ITSN2: variants seen among roughly 807,000 people sequenced by gnomAD.
The protein encoded by ITSN2 is intersectin-2.
In ITSN2, 156 loss-of-function variants were observed where a neutral mutation model predicts 243.7. That is an observed-to-expected ratio of 0.64 (90% CI 0.56 to 0.73). ITSN2 has a LOEUF of 0.73. Ranked by LOEUF, ITSN2 falls within the 30% of genes least tolerant of loss-of-function variation. The pLI, the probability that ITSN2 is intolerant of heterozygous loss-of-function variation, is 0.00. For synonymous variants in ITSN2, 703 were observed against 699.9 expected, an observed-to-expected ratio of 1.00 and a Z score of -0.07; for missense variants, 1,801 against 1,996.1, an observed-to-expected ratio of 0.90 and a Z score of 1.86.
chr2:24,208,426 TC>T, intron 36 of ITSN2, 107 bp from the exon 37 acceptor site: 1 of 809,414 alleles, frequency 1.2e-6, no homozygotes, highest in Non-Finnish European at 2.1e-6. Context: ...ACCTCAACTT[TC>T]ACAAGTTTCC....
intron 25 of ITSN2, among the ~76,000 whole-genome samples, chr2:24,252,137 T>C (rs1193889506): frequency 1.3e-5 from 2 of 152,188 alleles, no homozygotes; most frequent in Non-Finnish European, 2.9e-5. Flanking sequence ...GCCCCCTTTA[T>C]CTAACTGGAG....
At chr2:24,264,912 T>C (rs1676469202) in intron 20 of ITSN2, among the ~76,000 whole-genome samples, 1 of 149,150 alleles carries the variant, frequency 6.7e-6, no homozygotes, top group African/African-American at 2.5e-5. Flanking sequence ...CGTCATTTGC[T>C]ACAAAAACAA....
chr2:24,310,341 C>A lies in ITSN2; in HGVS notation c.596G>T (p.Gly199Val). The change falls in exon 7 of 40, where the codon GGA becomes GTA. Residue 199 changes from glycine (G) to valine (V), a missense_variant. Around this residue, in one of 5 missense-constraint regions of ITSN2, gnomAD observed 787 missense variants for 803.9 expected, o/e 0.98. Transcript: ENST00000355123. ...TTTCTGTATACTAGCACCTCCAAAT[C>A]CTCCCATCATCAGACTATAAGATGA... ...HGSSYSLMMG[G>V]FGGASIQKAQ... The A allele has an allele frequency of 6.2e-7, 1 of 1,613,662 alleles. No individual in the cohort carries two copies. Among genetic ancestry groups the A allele is most frequent in the Non-Finnish European group, 8.5e-7 (1 of 1,179,918 alleles).
intron 1 of ITSN2, among the ~76,000 whole-genome samples, chr2:24,340,406 G>A (rs745471412): frequency 6.6e-6 from 1 of 151,828 alleles, no homozygotes; most frequent in African/African-American, 2.4e-5. Flanking sequence ...GCTTGAACCC[G>A]GGGGGTGGAG....
At position 24,237,701 on chromosome 2, in the gene ITSN2, C is replaced by T. The variant is rs1672323706; in HGVS notation, c.3577+8428G>A. Among the ~76,000 whole-genome samples the T allele has an allele frequency of 2.6e-5, 4 of 152,132 alleles. No homozygotes were observed. The South Asian group carries it at 8.3e-4, about 32-fold the overall frequency. On this transcript the variant is annotated intron_variant, in intron 29 of 39. Transcript: ENST00000355123. ...GACTTTTCCACCGACACTCATATTC[C>T]ATCTATCTCCAGTTCCTGCCAATTT...
intron 1 of ITSN2, among the ~76,000 whole-genome samples, chr2:24,335,389 G>A (rs13429341): frequency 0.9 from 137,517 of 152,202 alleles, 63,210 homozygotes; most frequent in East Asian, 0.99. Context: ...CTGGAATGCA[G>A]AGACATGATC....
At position 24,257,962 on chromosome 2, in the gene ITSN2, C is replaced by G. The variant is rs1338564163; in HGVS notation, c.2814G>C (p.Glu938Asp). The change falls in exon 23 of 40, where the codon GAG becomes GAC. Residue 938 changes from glutamate to aspartate, a missense_variant. Coordinates refer to ENST00000355123, the MANE Select transcript of ITSN2 (RefSeq NM_006277.3). ...GAAACCATCCTCTTCCTCCATGCAC[C>G]TCCCCAAACCACCAATTTTCTTGCT... Reference protein sequence around the residue: ...LEQQENWWFGEVHGGRGWFPK... With the variant: ...LEQQENWWFGDVHGGRGWFPK... 1 of 1,613,940 alleles carries G rather than the reference C, an allele frequency of 6.2e-7. No homozygotes were observed. The highest frequency in any genetic ancestry group is 8.5e-7 in the Non-Finnish European group (1 of 1,179,962).
Position 24,270,709 on chromosome 2 carries a change from G to T in ITSN2, c.2317C>A (p.His773Asn). The change falls in exon 20 of 40, where the codon CAT (histidine) becomes AAT (asparagine). Residue 773 changes from histidine to asparagine, a missense_variant. His to Asn is a moderately conservative substitution (Grantham distance 68). Coordinates refer to ENST00000355123, the MANE Select transcript of ITSN2 (RefSeq NM_006277.3). ...RALYPFEARN[H>N]DEMSFNSGDI... ...CCAGAATTAAAACTCATCTCATCAT[G>T]GTTCCTTGCTTCAAAGGGGTATAAT... The T allele has an allele frequency of 6.2e-7, 1 of 1,602,130 alleles. No individual in the cohort carries two copies. Among genetic ancestry groups the T allele is most frequent in the Non-Finnish European group, 8.5e-7 (1 of 1,170,940 alleles).
At chr2:24,208,094 G>A in intron 37 of ITSN2, 143 bp downstream of exon 37, 1 of 757,686 alleles carries the variant, frequency 1.3e-6, no homozygotes, top group Non-Finnish European at 2.2e-6. Context: ...GTAGCTTCAA[G>A]AGGGGAGGGC....
rs532521936 is a variant in ITSN2 at position 24,265,800 on chromosome 2, T to C, written c.2356-4058A>G. Among the ~76,000 whole-genome samples, 7 of 152,352 alleles carry C rather than the reference T, an allele frequency of 4.6e-5. No homozygotes were observed. In the East Asian group the frequency reaches 1.3e-3, roughly 29 times the overall value. Reference sequence around the variant, plus strand: ...TTATATGACATTCTTTAAAAACACCTGGCACATGCAAGCCTCAATGTTTTT... The same window carrying C: ...TTATATGACATTCTTTAAAAACACCCGGCACATGCAAGCCTCAATGTTTTT... On this transcript the variant is annotated intron_variant, in intron 20 of 39. Coordinates refer to ENST00000355123, the MANE Select transcript of ITSN2 (RefSeq NM_006277.3).
chr2:24,295,264 A>C (rs1680793858), intron 14 of ITSN2, among the ~76,000 whole-genome samples: 1 of 152,142 alleles, frequency 6.6e-6, no homozygotes. Flanking sequence ...TCAAAGACTC[A>C]AGGTTATTGA....
rs142289184 is a variant in ITSN2 at position 24,207,610 on chromosome 2, G to A, written c.4678+627C>T. On this transcript the variant is annotated intron_variant, in intron 37 of 39. Transcript: ENST00000355123. ...AGGGTGGAAGAAGAACTGGGAAGGC[G>A]GCCATGGGGTCCAGAGGGAAGGCAG... Among the ~76,000 whole-genome samples the A allele has an allele frequency of 4.6e-4, 70 of 152,156 alleles. 1 individual carries two copies. Among genetic ancestry groups the A allele is most frequent in the Non-Finnish European group, 9.0e-4 (61 of 67,982 alleles).
intron 1 of ITSN2, among the ~76,000 whole-genome samples, chr2:24,342,327 G>A (rs1053352096): frequency 3.3e-5 from 5 of 151,560 alleles, no homozygotes; most frequent in Non-Finnish European, 5.9e-5. Flanking sequence ...CTTTTCAAGC[G>A]GCTGGGACCA....
At chr2:24,303,713 A>C in intron 9 of ITSN2, 86 bp downstream of exon 9, 1 of 897,790 alleles carries the variant, frequency 1.1e-6, no homozygotes, top group Non-Finnish European at 1.9e-6. Context: ...TTACAGAAAC[A>C]GTATCTTTCT....
intron 30 of ITSN2, among the ~76,000 whole-genome samples, chr2:24,219,091 TTTC>T (rs1296245889): frequency 1.3e-5 from 2 of 152,132 alleles, no homozygotes; most frequent in African/African-American, 4.8e-5. Context: ...CCCACTTCTG[TTTC>T]CTCCTCCTGG....
chr2:24,331,161 T>C (rs1033912482), intron 1 of ITSN2, among the ~76,000 whole-genome samples: 2 of 148,724 alleles, frequency 1.3e-5, no homozygotes, highest in Admixed American at 6.8e-5. Flanking sequence ...AACCTCCGCC[T>C]CCCAGGTTCA....
intron 1 of ITSN2, among the ~76,000 whole-genome samples, chr2:24,348,537 T>A (rs1687757535): frequency 6.6e-6 from 1 of 152,268 alleles, no homozygotes; most frequent in East Asian, 1.9e-4. Flanking sequence ...AAATAACAAG[T>A]CTCTTTTACT....
At chr2:24,299,850 A>T in intron 12 of ITSN2, 59 bp downstream of exon 12, 1 of 1,391,460 alleles carries the variant, frequency 7.2e-7, no homozygotes, top group South Asian at 1.3e-5. Context: ...AATCAAATGA[A>T]ATATAGTCAC....
intron 1 of ITSN2, among the ~76,000 whole-genome samples, chr2:24,355,180 C>T (rs1454968732): frequency 2.6e-5 from 4 of 152,266 alleles, no homozygotes; most frequent in East Asian, 1.9e-4. Context: ...TTAGTTTCTG[C>T]GCTCCACAGC....
Sources: gnomAD v4.1 joint callset for allele counts (sites outside exome capture counted in the v4.1 genomes callset) on GRCh38, gnomAD v4.1.1 for gene constraint, gnomAD v4.1.1 regional missense constraint, MANE v1.5 for transcripts, NCBI Gene and HGNC (gene_info 2026-07-23, HGNC 2026-07-21) for gene names.